Variants in C11orf65 observed in about 807,000 individuals in gnomAD.
The protein encoded by C11orf65 is chromosome 11 open reading frame 65.
A neutral mutation model predicts 35.3 loss-of-function variants in C11orf65; 38 were observed. That is an observed-to-expected ratio of 1.08 (90% confidence interval 0.83 to 1.41). The LOEUF is 1.41. C11orf65 is among the 40% of genes most tolerant of loss of function. The pLI, the probability that C11orf65 is intolerant of heterozygous loss-of-function variation, is 0.00. For synonymous variants in C11orf65, 105 were observed against 114.4 expected (o/e 0.92, Z 0.53); for missense variants, 370 against 367.1 (o/e 1.01, Z -0.06).
At chr11:108,415,070 A>G (rs1056202883) in intron 3 of C11orf65, among the ~76,000 whole-genome samples, 1 of 152,150 alleles carries the variant, frequency 6.6e-6, no homozygotes, top group East Asian at 1.9e-4. Context: ...ACCTAATATC[A>G]TACTTAATGG....
At chr11:108,451,692 T>A (rs1310612877) in intron 2 of C11orf65, among the ~76,000 whole-genome samples, 1 of 152,110 alleles carries the variant, frequency 6.6e-6, no homozygotes, top group Non-Finnish European at 1.5e-5. Context: ...GAGCCTGCAT[T>A]GCCAAGACAA....
chr11:108,345,704 CAA>C lies in C11orf65; in HGVS notation c.227-10414_227-10413del, dbSNP rs762631439. 4.9e-5 allele frequency: 71 copies of C among 1,438,966 alleles called. No individual in the cohort carries two copies. Among genetic ancestry groups the C allele is most frequent in the Non-Finnish European group, 6.3e-5 (67 of 1,057,948 alleles). The allele number at this position is 1,438,966 out of a possible 1,614,324, so 89.1% of individuals were successfully genotyped here. A position where few individuals can be genotyped will look rare whatever the true frequency, so the allele number is the denominator to read the frequency against. On this transcript the variant is annotated intron_variant, in intron 2 of 3. Transcript: ENST00000524755. ...ATGTGTATATTAGTTTAATTGAACA[CAA>C]TATTGAAAAATAATTATATATATTC...
intron 2 of C11orf65, among the ~76,000 whole-genome samples, chr11:108,350,209 G>C (rs529297018): frequency 6.6e-6 from 1 of 152,274 alleles, no homozygotes; most frequent in African/African-American, 2.4e-5. Context: ...TTTTCCAGCA[G>C]TCCTCAACAT....
At chr11:108,380,976 A>G (rs2091855039), downstream of C11orf65, among the ~76,000 whole-genome samples, 2 of 152,214 alleles carry the variant, frequency 1.3e-5, no homozygotes, top group African/African-American at 4.8e-5. Context: ...AGAGTATATG[A>G]CAATGGAAAA....
chr11:108,316,000 T>C lies in C11orf65; in HGVS notation c.641-6929A>G, dbSNP rs1408263801. ...AAAACCCAAAGCTATTTTCACAATC[T>C]TTTCTTATAGACTACGAACATATGA... On this transcript the variant is annotated intron_variant, in intron 6 of 6. Coordinates refer to the C11orf65 transcript ENST00000525729. 1 of 1,613,774 alleles carries C rather than the reference T, an allele frequency of 6.2e-7. No individual in the cohort carries two copies. Among genetic ancestry groups the C allele is most frequent in the East Asian group, 2.2e-5 (1 of 44,854 alleles).
chr11:108,311,408 A>G (rs1005541269), intron 6 of C11orf65, among the ~76,000 whole-genome samples: 1 of 152,220 alleles, frequency 6.6e-6, no homozygotes, highest in African/African-American at 2.4e-5. Flanking sequence ...TTAAAAAAGT[A>G]AAGAAGGTTG....
intron 2 of C11orf65, among the ~76,000 whole-genome samples, chr11:108,351,623 T>A (rs931826566): frequency 2.6e-5 from 4 of 152,210 alleles, no homozygotes; most frequent in African/African-American, 9.6e-5. Context: ...CACTCCCATG[T>A]GGCCTCTCTG....
At position 108,408,689 on chromosome 11, in the gene C11orf65, A is replaced by AAAAAAATAAAATATAAAATAAAAT. The variant is rs1565659848; in HGVS notation, c.175-1541_175-1540insATTTTATTTTATATTTTATTTTTT. Among the ~76,000 whole-genome samples the AAAAAAATAAAATATAAAATAAAAT allele has an allele frequency of 2.8e-4, 24 of 86,980 alleles. 1 individual carries two copies. Among genetic ancestry groups the AAAAAAATAAAATATAAAATAAAAT allele is most frequent in the African/African-American group, 1.4e-3 (24 of 16,674 alleles). The allele number at this position is 86,980 out of a possible 152,430, so 57.1% of individuals were successfully genotyped here. A position where few individuals can be genotyped will look rare whatever the true frequency, so the allele number is the denominator to read the frequency against. On this transcript the variant is annotated intron_variant, in intron 3 of 8. Transcript: ENST00000393084. ...TCTGTCTCAATAAATAAAATAAAATAAAATAAAATAAAATAAAATAAAATA... is the reference window on the plus strand; with the variant it reads ...TCTGTCTCAATAAATAAAATAAAATAAAAAAATAAAATATAAAATAAAATAAATAAAATAAAATAAAATAAAATA...
rs1350207854 is a variant in C11orf65, at chr11:108,309,105, G to C, written c.641-34C>G. 5.6e-6 allele frequency: 7 copies of C among 1,243,798 alleles called. No homozygotes were observed. The Admixed American group carries it at 9.9e-5, about 18-fold the overall frequency. The allele number at this position is 1,243,798 out of a possible 1,614,324, so 77.0% of individuals were successfully genotyped here. ...AGTATGAATGGGATATAGAAAAACG[G>C]GTAAAGACATGCATTCAAGTCCAAG... is the stretch of plus-strand genomic sequence containing the variant. On this transcript the variant is annotated intron_variant, in intron 6 of 6. Transcript: ENST00000525729.
chr11:108,330,277 G>A (rs1454725863), downstream of C11orf65: 4 of 1,614,068 alleles, frequency 2.5e-6, no homozygotes, highest in Non-Finnish European at 2.5e-6. Flanking sequence ...CACTGAAAGA[G>A]GATCGTAAAC....
At chr11:108,462,415 G>A (rs557969534) in intron 1 of C11orf65, 1 of 152,306 alleles carries the variant, frequency 6.6e-6, no homozygotes. Context: ...CAACAACCCT[G>A]CATAACAGAT....
chr11:108,333,976 G>C (rs2136618371), intron 3 of C11orf65: 1 of 1,585,498 alleles, frequency 6.3e-7, no homozygotes. Flanking sequence ...AAGGTAATTT[G>C]CAATTAACTC....
At chr11:108,375,626 C>T (rs1170843158) in intron 2 of C11orf65, among the ~76,000 whole-genome samples, 1 of 152,126 alleles carries the variant, frequency 6.6e-6, no homozygotes, top group Non-Finnish European at 1.5e-5. Flanking sequence ...ATCAAATTCA[C>T]ACATAACAAT....
chr11:108,330,850 A>G (rs916554796), downstream of C11orf65, among the ~76,000 whole-genome samples: 23 of 152,194 alleles, frequency 1.5e-4, no homozygotes, highest in Non-Finnish European at 3.2e-4. Flanking sequence ...GTAAGTAGAG[A>G]AAATATATTT....
intron 6 of C11orf65, chr11:108,315,973 G>A (rs750344356): frequency 1.2e-6 from 2 of 1,611,154 alleles, no homozygotes; most frequent in Middle Eastern, 1.7e-4. Context: ...TTATGTGTGT[G>A]TAAAACCCAA....
intron 2 of C11orf65, among the ~76,000 whole-genome samples, chr11:108,446,813 C>T (rs1200211475): frequency 2.0e-5 from 3 of 152,134 alleles, no homozygotes; most frequent in Non-Finnish European, 4.4e-5. Flanking sequence ...GGGCTAAATG[C>T]TCCAATTAAA....
At chr11:108,317,615 T>TTTTATATATATATATA (rs1225638961) in intron 6 of C11orf65, 1 of 211,244 alleles carries the variant, frequency 4.7e-6, no homozygotes, top group Non-Finnish European at 8.5e-6. Flanking sequence ...AGGAGTTGTT[T>TTTTATATATATATATA]TATATATATA....
At chr11:108,355,714 A>AG in intron 2 of C11orf65, 1 of 152,228 alleles carries the variant, frequency 6.6e-6, no homozygotes, top group East Asian at 1.9e-4. Context: ...AATTCAAACC[A>AG]GGTTTCTAGA....
intron 6 of C11orf65, among the ~76,000 whole-genome samples, chr11:108,404,547 A>G (rs1300771118): frequency 6.6e-6 from 1 of 151,240 alleles, no homozygotes; most frequent in African/African-American, 2.4e-5. Flanking sequence ...AGCTGGGACT[A>G]CAGGCGCCTG....
Sources: gnomAD v4.1 joint callset for allele counts (sites outside exome capture counted in the v4.1 genomes callset) on GRCh38, gnomAD v4.1.1 for gene constraint, MANE v1.5 for transcripts, NCBI Gene and HGNC (gene_info 2026-07-23, HGNC 2026-07-21) for gene names.